The following MFHAS1 variants were observed in gnomAD, a reference collection of about 807,000 sequenced individuals.
MFHAS1 encodes the protein multifunctional ROCO family signaling regulator 1.
In MFHAS1, 50 loss-of-function variants were observed where a neutral mutation model predicts 70.4. The observed-to-expected ratio is 0.71, with a 90% CI of 0.57 to 0.90. The LOEUF (loss-of-function observed/expected upper bound fraction) is 0.90, where lower values mean the gene tolerates loss of function less well. Among genes scored for constraint, MFHAS1 ranks in the 40% least tolerant of loss-of-function variants. The probability of loss-of-function intolerance (pLI) is 0.00; values close to 1 mark genes in which losing one functional copy is unlikely to be tolerated. For synonymous variants in MFHAS1, 952 were observed against 620.0 expected (o/e 1.54, Z -7.96); for missense variants, 1,795 against 1,347.6 (o/e 1.33, Z -5.20).
chr8:8,885,033 T>C (rs541465039), intron 1 of MFHAS1, among the ~76,000 whole-genome samples: 2 of 151,962 alleles, frequency 1.3e-5, no homozygotes, highest in East Asian at 3.9e-4. Context: ...CTGCAGAAGC[T>C]ACTAAGTCTC....
intron 2 of MFHAS1, among the ~76,000 whole-genome samples, chr8:8,794,687 G>C (rs749336533): frequency 6.7e-6 from 1 of 150,006 alleles, no homozygotes; most frequent in Non-Finnish European, 1.5e-5. Flanking sequence ...CCTTCATTTA[G>C]AGTTGAGAAT....
At chr8:8,839,218 C>T (rs1277448147) in intron 1 of MFHAS1, among the ~76,000 whole-genome samples, 2 of 151,976 alleles carry the variant, frequency 1.3e-5, no homozygotes, top group African/African-American at 2.4e-5. Flanking sequence ...AGACTTGCTG[C>T]AAAAACTGAC....
At chr8:8,838,996 T>A (rs1030120472) in intron 1 of MFHAS1, among the ~76,000 whole-genome samples, 4 of 152,174 alleles carry the variant, frequency 2.6e-5, no homozygotes, top group Non-Finnish European at 5.9e-5. Flanking sequence ...GTGAAAGATT[T>A]TAATTCAAGT....
In MFHAS1 at chr8:8,892,471, G is replaced by A. The variant is rs377473219; in HGVS notation, c.588C>T (p.Phe196=). 3.1e-4 allele frequency: 506 copies of A among 1,608,154 alleles called. 3 individuals carry two copies. The highest frequency in any genetic ancestry group is 2.5e-3 in the South Asian group (230 of 90,342). Reference sequence around the variant, plus strand: ...CCACCAGCTGCAGCAGCTGCCGGGGGAAGGCAGTGAGCTGGTTGTGATCCA... The same window carrying A: ...CCACCAGCTGCAGCAGCTGCCGGGGAAAGGCAGTGAGCTGGTTGTGATCCA... ...LDVDHNQLTA[F]PRQLLQLVAL... is the part of the protein sequence containing the mutation. Residue 196 remains phenylalanine (F), a synonymous_variant, in exon 1 of 3, where the codon TTC becomes TTT. Coordinates refer to ENST00000276282, the MANE Select transcript of MFHAS1 (RefSeq NM_004225.3). The surrounding 1 kb of genome is among the most constrained non-coding windows in gnomAD (Gnocchi z 4.7).
At chr8:8,794,196 GA>G (rs1174869877) in intron 2 of MFHAS1, among the ~76,000 whole-genome samples, 3 of 146,132 alleles carry the variant, frequency 2.1e-5, no homozygotes, top group Admixed American at 6.8e-5. Context: ...TGTCAAAAAA[GA>G]AAAAAAAAAG....
At chr8:8,811,226 A>C (rs1299796148) in intron 1 of MFHAS1, among the ~76,000 whole-genome samples, 1 of 152,124 alleles carries the variant, frequency 6.6e-6, no homozygotes, top group Non-Finnish European at 1.5e-5. Context: ...TGACGGGAAA[A>C]GCACTAAATT....
chr8:8,877,082 T>G (rs903221123), intron 1 of MFHAS1, among the ~76,000 whole-genome samples: 1 of 152,108 alleles, frequency 6.6e-6, no homozygotes, highest in Admixed American at 6.6e-5. Context: ...AGTGGACTGC[T>G]GGAGCCCAGG....
intron 2 of MFHAS1, chr8:8,790,448 GA>G: frequency 3.4e-6 from 3 of 879,724 alleles, no homozygotes; most frequent in Middle Eastern, 5.9e-4. Context: ...AGCAGAGAGG[GA>G]AAAATTCCAG....
rs576741213 is a variant in MFHAS1, at chr8:8,861,630, T to C, written c.2998+28431A>G. ...AATTCACCAATTTTAAACGTAGAAC[T>C]TGATGCATTTTGACAGATATAGTCT... On this transcript the variant is annotated intron_variant, in intron 1 of 2. Transcript: ENST00000276282. Among the ~76,000 whole-genome samples the C allele has an allele frequency of 2.6e-5, 4 of 152,302 alleles. No individual in the cohort carries two copies. In the South Asian group the frequency reaches 6.2e-4, roughly 24 times the overall value.
intron 1 of MFHAS1, among the ~76,000 whole-genome samples, chr8:8,853,894 A>G (rs1278363871): frequency 2.0e-5 from 3 of 152,208 alleles, no homozygotes; most frequent in East Asian, 3.8e-4. Flanking sequence ...CAACTGTTGT[A>G]GGTTAAATGG....
In MFHAS1 at chr8:8,892,069, G is replaced by A. The variant is rs966727912; in HGVS notation, c.990C>T (p.Arg330=). The A allele has an allele frequency of 1.2e-6, 2 of 1,613,366 alleles. No individual in the cohort carries two copies. Among genetic ancestry groups the A allele is most frequent in the Non-Finnish European group, 1.7e-6 (2 of 1,180,022 alleles). Residue 330 remains arginine (R), a synonymous_variant, in exon 1 of 3, where the codon CGC becomes CGT. Transcript: ENST00000276282. This position sits in a 1 kb window ranked among gnomAD's most constrained non-coding sequence, Gnocchi z 4.7. ...RLLTLWLDNN[R]IRYLPDSIVE... is the part of the protein sequence containing the mutation. ...CGATGGAGTCCGGCAGGTAGCGGAT[G>A]CGGTTATTATCCAGCCACAAGGTGA... is the stretch of plus-strand genomic sequence containing the variant.
intron 1 of MFHAS1, among the ~76,000 whole-genome samples, chr8:8,852,436 T>G (rs1470911771): frequency 6.6e-6 from 1 of 151,662 alleles, no homozygotes; most frequent in African/African-American, 2.4e-5. Flanking sequence ...ATCACGCCAC[T>G]CCAGCGTAAG....
At chr8:8,868,938 G>A (rs530559940) in intron 1 of MFHAS1, among the ~76,000 whole-genome samples, 7 of 152,228 alleles carry the variant, frequency 4.6e-5, no homozygotes, top group East Asian at 1.9e-4. Flanking sequence ...CTCTAGTTTC[G>A]TCTAGAGTTT....
chr8:8,841,894 G>A (rs575290214), intron 1 of MFHAS1, among the ~76,000 whole-genome samples: 1 of 152,296 alleles, frequency 6.6e-6, no homozygotes, highest in East Asian at 1.9e-4. Flanking sequence ...CCTTATGTGA[G>A]ATTTTCTGCA....
At chr8:8,788,069 C>G (rs1417212669) in intron 2 of MFHAS1, among the ~76,000 whole-genome samples, 2 of 152,192 alleles carry the variant, frequency 1.3e-5, no homozygotes, top group African/African-American at 4.8e-5. Flanking sequence ...TGGTAGAGTT[C>G]TTTCTTCCCT....
intron 2 of MFHAS1, among the ~76,000 whole-genome samples, chr8:8,790,718 G>A (rs1042885461): frequency 3.3e-5 from 5 of 152,110 alleles, no homozygotes; most frequent in African/African-American, 7.2e-5. Flanking sequence ...TTCATATCAC[G>A]CCACTGCTTT....
At position 8,831,931 on chromosome 8, in the gene MFHAS1, G is replaced by C. The variant is rs192687443; in HGVS notation, c.2999-34440C>G. On this transcript the variant is annotated intron_variant, in intron 1 of 2. Coordinates refer to ENST00000276282, the MANE Select transcript of MFHAS1 (RefSeq NM_004225.3). ...CCAGCCGTCAATTGATTTTTGACAA[G>C]AGCCCAGGCAATTTAAAGGAGAAAG... Among the ~76,000 whole-genome samples, 10 of 152,204 alleles carry C rather than the reference G, an allele frequency of 6.6e-5. No homozygotes were observed. The East Asian group carries it at 1.7e-3, about 26-fold the overall frequency.
At chr8:8,831,945 T>C (rs1474119997) in intron 1 of MFHAS1, among the ~76,000 whole-genome samples, 1 of 152,054 alleles carries the variant, frequency 6.6e-6, no homozygotes, top group Non-Finnish European at 1.5e-5. Flanking sequence ...CCAGGCAATT[T>C]AAAGGAGAAA....
chr8:8,866,946 A>G (rs1808882317), intron 1 of MFHAS1, among the ~76,000 whole-genome samples: 1 of 152,222 alleles, frequency 6.6e-6, no homozygotes, highest in African/African-American at 2.4e-5. Context: ...ATACAAGACA[A>G]TTTTTAAGGT....
Sources: allele counts gnomAD v4.1 joint callset (sites outside exome capture counted in the v4.1 genomes callset), GRCh38; gene constraint gnomAD v4.1.1; non-coding constraint Gnocchi (gnomAD v3.1); transcripts MANE v1.5; gene names NCBI Gene and HGNC (gene_info 2026-07-23, HGNC 2026-07-21).